VWA3A: variants seen among roughly 807,000 people sequenced by gnomAD.
VWA3A encodes von Willebrand factor A domain containing 3A.
In VWA3A, 134 loss-of-function variants were observed where a neutral mutation model predicts 160.4. The ratio of observed to expected loss-of-function variants is 0.84; its 90% confidence interval spans 0.73 to 0.96. The LOEUF (loss-of-function observed/expected upper bound fraction) is 0.96, where lower values mean the gene tolerates loss of function less well. Ranked by LOEUF, VWA3A falls within the 40% of genes least tolerant of loss-of-function variation. The pLI is 0.00. For missense variants in VWA3A, 1,310 were observed against 1,447.9 expected (o/e 0.90, Z 1.55); for synonymous variants, 476 against 543.4 (o/e 0.88, Z 1.72).
chr16:22,095,287 G>A (rs1375589435), intron 1 of VWA3A, among the ~76,000 whole-genome samples: 1 of 152,118 alleles, frequency 6.6e-6, no homozygotes, highest in Admixed American at 6.5e-5. Context: ...GAAGAAGAAC[G>A]TTCCAGAGCA....
intron 31 of VWA3A, 69 bp from the exon 32 acceptor site, chr16:22,155,498 T>C: frequency 7.0e-7 from 1 of 1,421,926 alleles, no homozygotes; most frequent in South Asian, 1.2e-5. Context: ...TCTAAAATGC[T>C]TTTCCTGAGA....
At chr16:22,128,686 C>A (rs1353541467) in intron 17 of VWA3A, among the ~76,000 whole-genome samples, 1 of 152,040 alleles carries the variant, frequency 6.6e-6, no homozygotes, top group Admixed American at 6.6e-5. Flanking sequence ...ATGTAAATGC[C>A]CAGCAGTGGT....
At chr16:22,124,403 G>T (rs1047734373) in intron 16 of VWA3A, among the ~76,000 whole-genome samples, 2 of 151,312 alleles carry the variant, frequency 1.3e-5, no homozygotes, top group Non-Finnish European at 2.9e-5. Context: ...GGATGCTGTT[G>T]CCAGATGAGG....
At chr16:22,115,804 T>G (rs2045620961) in intron 9 of VWA3A, among the ~76,000 whole-genome samples, 1 of 141,202 alleles carries the variant, frequency 7.1e-6, no homozygotes, top group Admixed American at 7.9e-5. Flanking sequence ...TCCACTGCCC[T>G]GTAACCTGGG....
At chr16:22,141,527 C>T in intron 23 of VWA3A, 55 bp from the exon 24 acceptor site, 1 of 1,500,026 alleles carries the variant, frequency 6.7e-7, no homozygotes, top group Non-Finnish European at 9.1e-7. Context: ...AGCTGGACAG[C>T]TGTATTGCAA....
chr16:22,145,521 C>T (rs1398703512), intron 26 of VWA3A, among the ~76,000 whole-genome samples: 2 of 151,946 alleles, frequency 1.3e-5, no homozygotes, highest in African/African-American at 4.8e-5. Flanking sequence ...CACCTGTAAT[C>T]CCAGCTACTC....
At chr16:22,101,622 G>A (rs1185354763) in intron 5 of VWA3A, among the ~76,000 whole-genome samples, 1 of 152,062 alleles carries the variant, frequency 6.6e-6, no homozygotes, top group Non-Finnish European at 1.5e-5. Context: ...AAGAGAAAGG[G>A]GTTTCCCCTT....
intron 8 of VWA3A, among the ~76,000 whole-genome samples, chr16:22,114,725 G>A (rs1290716532): frequency 2.0e-5 from 3 of 152,152 alleles, no homozygotes; most frequent in Non-Finnish European, 4.4e-5. Flanking sequence ...CTGTCTGGGA[G>A]GCTAGGGAGG....
At position 22,150,705 on chromosome 16, in the gene VWA3A, G is replaced by T. The variant is rs1326411831; in HGVS notation, c.3140G>T (p.Ser1047Ile). Reference sequence around the variant, plus strand: ...CCTGCGTTCTTTCAGAAAGCTTTCAGTTTCCATGATCTGGAAGGATTGTAC... The same window carrying T: ...CCTGCGTTCTTTCAGAAAGCTTTCATTTTCCATGATCTGGAAGGATTGTAC... ...SILQALLKAF[S>I]FHDLEGLYLL... Residue 1047 changes from serine to isoleucine, a missense_variant, in exon 30 of 34, where the codon AGT (serine) becomes ATT (isoleucine). Ser to Ile is a moderately radical substitution (Grantham distance 142). Transcript: ENST00000389398. 1.2e-6 allele frequency: 2 copies of T among 1,608,752 alleles called. No homozygotes were observed. The highest frequency in any genetic ancestry group is 1.7e-6 in the Non-Finnish European group (2 of 1,177,498).
At chr16:22,124,829 C>A (rs190330342) in intron 16 of VWA3A, among the ~76,000 whole-genome samples, 2 of 152,004 alleles carry the variant, frequency 1.3e-5, no homozygotes, top group Non-Finnish European at 2.9e-5. Flanking sequence ...TGGTAGGAAG[C>A]GGAACTTGAA....
rs549724398 is a variant in VWA3A at position 22,150,226 on chromosome 16, A to G, written c.3129+295A>G. Among the ~76,000 whole-genome samples, 4 of 152,134 alleles carry G rather than the reference A, an allele frequency of 2.6e-5. No individual in the cohort carries two copies. The East Asian group carries it at 7.7e-4, about 29-fold the overall frequency. On this transcript the variant is annotated intron_variant, in intron 29 of 33. Coordinates refer to ENST00000389398, the MANE Select transcript of VWA3A (RefSeq NM_173615.5). ...AGACCATCCTGACCAACATGGTGAAACCCCGTCTCTACTAAATACAAAAGA... is the reference window on the plus strand; with the variant it reads ...AGACCATCCTGACCAACATGGTGAAGCCCCGTCTCTACTAAATACAAAAGA...
Position 22,133,106 on chromosome 16 carries a change from G to C in VWA3A, c.2068+11G>C, listed in dbSNP as rs772909283. On this transcript the variant is annotated intron_variant, in intron 20 of 33. Coordinates refer to ENST00000389398, the MANE Select transcript of VWA3A (RefSeq NM_173615.5). Reference sequence around the variant, plus strand: ...GGTTTGGAGACACAGGTACATGACTGTTTCCTCATCCCTTCAGCTCATTCC... The same window carrying C: ...GGTTTGGAGACACAGGTACATGACTCTTTCCTCATCCCTTCAGCTCATTCC... 2 of 1,607,786 alleles carry C rather than the reference G, an allele frequency of 1.2e-6. No homozygotes were observed. Among genetic ancestry groups the C allele is most frequent in the Non-Finnish European group, 8.5e-7 (1 of 1,177,062 alleles).
At chr16:22,136,405 G>T (rs1180931827) in intron 21 of VWA3A, among the ~76,000 whole-genome samples, 2 of 152,126 alleles carry the variant, frequency 1.3e-5, no homozygotes, top group African/African-American at 4.8e-5. Context: ...AGTTTGTGGA[G>T]CCTGTGAGAT....
At chr16:22,122,105 A>G (rs1418712331) in intron 14 of VWA3A, among the ~76,000 whole-genome samples, 2 of 151,128 alleles carry the variant, frequency 1.3e-5, no homozygotes, top group Non-Finnish European at 2.9e-5. Flanking sequence ...GGATGGCAAG[A>G]AGAAGGAAAA....
Position 22,138,467 on chromosome 16 carries a change from G to A in VWA3A, c.2247G>A (p.Lys749=), listed in dbSNP as rs370163062. 1.1e-4 allele frequency: 177 copies of A among 1,613,366 alleles called. No homozygotes were observed. The highest frequency in any genetic ancestry group is 6.6e-4 in the Middle Eastern group (4 of 6,080). ...PKTLQLRSQP[K]KLCPPRPTVP... Reference sequence around the variant, plus strand: ...CACTTCAGCTAAGAAGTCAGCCCAAGAAGCTCTGCCCTCCCAGGCCCACCG... The same window carrying A: ...CACTTCAGCTAAGAAGTCAGCCCAAAAAGCTCTGCCCTCCCAGGCCCACCG... Residue 749 remains lysine, a synonymous_variant, in exon 22 of 34, where the codon AAG becomes AAA. Transcript: ENST00000389398.
At chr16:22,131,136 A>C (rs1261964429) in intron 17 of VWA3A, 69 bp from the exon 18 acceptor site, 1 of 1,463,744 alleles carries the variant, frequency 6.8e-7, no homozygotes. Context: ...AAGCCTGCAA[A>C]GCCCAAAGAG....
At chr16:22,110,170 C>T (rs557457549) in intron 7 of VWA3A, among the ~76,000 whole-genome samples, 20 of 152,142 alleles carry the variant, frequency 1.3e-4, no homozygotes, top group Non-Finnish European at 2.6e-4. Flanking sequence ...GGATGATAAC[C>T]CTAAGTGGCT....
intron 1 of VWA3A, among the ~76,000 whole-genome samples, chr16:22,094,340 C>A (rs2141818362): frequency 6.7e-6 from 1 of 149,034 alleles, no homozygotes; most frequent in African/African-American, 2.5e-5. Context: ...TTTTTTAAAG[C>A]ATTGCCACAT....
rs1398008416 is a variant in VWA3A at position 22,109,503 on chromosome 16, G to T, written c.505G>T (p.Ala169Ser). ...TTAGGCATTTGGCCTCATCAAAGGG[G>T]CCAGAGTCAGCATCCTCATAGATGT... The part of the protein sequence containing the change: ...SKKAFGLIKG[A>S]RVSILIDVSA... Residue 169 changes from alanine to serine, a missense_variant, in exon 7 of 34, where the codon GCC becomes TCC. Ala to Ser is a moderately conservative substitution (Grantham distance 99). Transcript: ENST00000389398. The T allele has an allele frequency of 6.2e-7, 1 of 1,608,630 alleles. No individual in the cohort carries two copies. The highest frequency in any genetic ancestry group is 1.1e-5 in the South Asian group (1 of 89,720).
Sources: gnomAD v4.1 joint callset for allele counts (sites outside exome capture counted in the v4.1 genomes callset) on GRCh38, gnomAD v4.1.1 for gene constraint, MANE v1.5 for transcripts, NCBI Gene and HGNC (gene_info 2026-07-23, HGNC 2026-07-21) for gene names.